Variants in SEPTIN9 observed in about 807,000 individuals in gnomAD.
SEPTIN9 encodes septin 9, also known as septin-9.
SEPTIN9 carries 13 observed loss-of-function variants against 56.6 expected under a neutral mutation model. The ratio of observed to expected loss-of-function variants is 0.23; its 90% CI spans 0.15 to 0.37. The LOEUF (loss-of-function observed/expected upper bound fraction) is 0.37. Among genes scored for constraint, SEPTIN9 ranks in the 10% least tolerant of loss-of-function variants. SEPTIN9 has a pLI of 1.00. For missense variants in SEPTIN9, 650 were observed against 823.1 expected, an observed-to-expected ratio of 0.79 and a Z score of 2.57; for synonymous variants, 332 against 334.1, an observed-to-expected ratio of 0.99 and a Z score of 0.07.
intron 3 of SEPTIN9, among the ~76,000 whole-genome samples, chr17:77,469,885 A>G (rs974657052): frequency 1.4e-5 from 2 of 141,114 alleles, no homozygotes; most frequent in Admixed American, 1.4e-4. Context: ...ACCTATCTAC[A>G]GTCATTCACT....
intron 3 of SEPTIN9, among the ~76,000 whole-genome samples, chr17:77,416,283 G>A (rs2036505414): frequency 6.6e-6 from 1 of 152,206 alleles, no homozygotes; most frequent in Non-Finnish European, 1.5e-5. Context: ...TACCTGAGAG[G>A]TGGGGCCAGG....
At position 77,449,641 on chromosome 17, in the gene SEPTIN9, T is replaced by A. The variant is rs1356419612; in HGVS notation, c.722-32503T>A. On this transcript the variant is annotated intron_variant, in intron 3 of 11. Coordinates refer to ENST00000427177, the MANE Select transcript of SEPTIN9 (RefSeq NM_001113491.2). This position sits in a 1 kb window ranked among gnomAD's most constrained non-coding sequence, Gnocchi z 4.6. ...GAGGCTTTCTGTTGACCCTGACACC[T>A]GGCCAGAAAGGAGTTCCTTCTGGCA... Among the ~76,000 whole-genome samples, 6 of 152,202 alleles carry A rather than the reference T, an allele frequency of 3.9e-5. No homozygotes were observed. The East Asian group carries it at 1.2e-3, about 29-fold the overall frequency.
intron 11 of SEPTIN9, chr17:77,497,634 C>A: frequency 1.8e-6 from 1 of 557,722 alleles, no homozygotes; most frequent in Non-Finnish European, 3.2e-6. Context: ...TGGTCTGGCC[C>A]GTTAGAGCTG....
intron 5 of SEPTIN9, 37 bp from the exon 6 acceptor site, chr17:77,488,203 G>C (rs148393522): frequency 1.9e-6 from 3 of 1,602,608 alleles, no homozygotes; most frequent in African/African-American, 2.7e-5. Flanking sequence ...AGGGTCTTCC[G>C]TCTCCCCTCT....
chr17:77,339,887 G>A (rs1568001977), intron 2 of SEPTIN9, among the ~76,000 whole-genome samples: 1 of 150,522 alleles, frequency 6.6e-6, no homozygotes, highest in South Asian at 2.1e-4. Flanking sequence ...GTGCAGCAGC[G>A]CTATCTCAGC....
At position 77,434,971 on chromosome 17, in the gene SEPTIN9, C is replaced by T. The variant is rs535567496; in HGVS notation, c.721+32268C>T. 2.2e-4 allele frequency among the ~76,000 whole-genome samples: 34 copies of T among 152,222 alleles called. 1 individual carries two copies. In the South Asian group the frequency reaches 3.5e-3, roughly 16 times the overall value. On this transcript the variant is annotated intron_variant, in intron 3 of 11. Coordinates refer to ENST00000427177, the MANE Select transcript of SEPTIN9 (RefSeq NM_001113491.2). The surrounding 1 kb of genome is among the most constrained non-coding windows in gnomAD (Gnocchi z 5.0). ...TCAGGCTGCCGGTGCTGGACGGGGC[C>T]CTGGCAACCGTGGCAGGAGTGGTGA...
chr17:77,402,826 G>C lies in SEPTIN9; in HGVS notation c.721+123G>C. 5.0e-6 allele frequency: 5 copies of C among 997,342 alleles called. No homozygotes were observed. Among genetic ancestry groups the C allele is most frequent in the Non-Finnish European group, 7.2e-6 (5 of 698,800 alleles). 61.8% of individuals were successfully genotyped at this position (997,342 alleles called of 1,614,324 possible). A position where few individuals can be genotyped will look rare whatever the true frequency, so the allele number is the denominator to read the frequency against. On this transcript the variant is annotated intron_variant, in intron 3 of 11. Coordinates refer to ENST00000427177, the MANE Select transcript of SEPTIN9 (RefSeq NM_001113491.2). This position sits in a 1 kb window ranked among gnomAD's most constrained non-coding sequence, Gnocchi z 6.6. The stretch of plus-strand genomic sequence containing the variant: ...TGGAGGGTGCTACCCTGGAGACCCA[G>C]AAAGACCGGAATGCATGGGGGTGGG...
chr17:77,381,036 C>G (rs551008153), intron 2 of SEPTIN9, among the ~76,000 whole-genome samples: 1 of 152,330 alleles, frequency 6.6e-6, no homozygotes, highest in South Asian at 2.1e-4. Flanking sequence ...CAACCCATAG[C>G]CAGTGGCATG....
chr17:77,285,105 C>A (rs996856461), intron 1 of SEPTIN9, among the ~76,000 whole-genome samples: 42 of 152,304 alleles, frequency 2.8e-4, no homozygotes, highest in African/African-American at 9.9e-4. Flanking sequence ...GTTCCAGAAG[C>A]CTCCATGATC....
intron 2 of SEPTIN9, among the ~76,000 whole-genome samples, chr17:77,384,330 C>T (rs1326984721): frequency 5.9e-5 from 9 of 151,862 alleles, no homozygotes; most frequent in South Asian, 2.1e-4. Flanking sequence ...GCCCAGCACA[C>T]GGCGACTTCT....
intron 2 of SEPTIN9, chr17:77,373,865 A>C: frequency 2.9e-6 from 1 of 346,260 alleles, no homozygotes; most frequent in South Asian, 8.0e-5. Flanking sequence ...AGCGACAGCG[A>C]CCTCCTCGAG....
At chr17:77,412,673 C>T (rs1440993651) in intron 3 of SEPTIN9, among the ~76,000 whole-genome samples, 2 of 152,026 alleles carry the variant, frequency 1.3e-5, no homozygotes, top group African/African-American at 4.8e-5. Flanking sequence ...CTGCTGTGAG[C>T]TGTGGTCATA....
chr17:77,324,351 T>A (rs913191868), intron 2 of SEPTIN9, among the ~76,000 whole-genome samples: 1 of 152,258 alleles, frequency 6.6e-6, no homozygotes, highest in African/African-American at 2.4e-5. Context: ...TGTGTCTGGA[T>A]GCACAGCATG....
At position 77,436,247 on chromosome 17, in the gene SEPTIN9, C is replaced by T. The variant is rs781646370; in HGVS notation, c.721+33544C>T. ...AGGGAAAGGGCAGGAACAGAGAGGC[C>T]TTATCTTCAGAGGAAGGGGTGGGCG... is the stretch of plus-strand genomic sequence containing the variant. On this transcript the variant is annotated intron_variant, in intron 3 of 11. Coordinates refer to ENST00000427177, the MANE Select transcript of SEPTIN9 (RefSeq NM_001113491.2). This position sits in a 1 kb window ranked among gnomAD's most constrained non-coding sequence, Gnocchi z 4.4. Among the ~76,000 whole-genome samples, 1 of 152,156 alleles carries T rather than the reference C, an allele frequency of 6.6e-6. No homozygotes were observed. Among genetic ancestry groups the T allele is most frequent in the Non-Finnish European group, 1.5e-5 (1 of 68,024 alleles).
chr17:77,390,716 G>T (rs2035511901), intron 2 of SEPTIN9, among the ~76,000 whole-genome samples: 1 of 152,134 alleles, frequency 6.6e-6, no homozygotes, highest in African/African-American at 2.4e-5. Flanking sequence ...CTCCCAAAGT[G>T]CTGGGATTAC....
At chr17:77,458,630 G>A (rs796655733) in intron 3 of SEPTIN9, among the ~76,000 whole-genome samples, 25 of 152,318 alleles carry the variant, frequency 1.6e-4, no homozygotes, top group African/African-American at 5.5e-4. Flanking sequence ...GGCTCAGCAC[G>A]GAACCTGGAC....
intron 2 of SEPTIN9, among the ~76,000 whole-genome samples, chr17:77,347,466 G>T (rs941348367): frequency 1.2e-4 from 18 of 150,998 alleles, no homozygotes; most frequent in Non-Finnish European, 4.4e-5. Flanking sequence ...CATGTATTTT[G>T]AAGCTCCTTT....
At chr17:77,362,451 C>T (rs111313091) in intron 2 of SEPTIN9, among the ~76,000 whole-genome samples, 94 of 152,348 alleles carry the variant, frequency 6.2e-4, no homozygotes, top group African/African-American at 1.9e-3. Context: ...GGTCTGCTGC[C>T]GGTCTCTTCC....
intron 3 of SEPTIN9, chr17:77,472,511 T>G (rs1222459274): frequency 6.6e-6 from 1 of 152,238 alleles, no homozygotes; most frequent in African/African-American, 2.4e-5. Context: ...AGGGTTCTTG[T>G]TGGCTCTTCC....
Sources: allele counts gnomAD v4.1 joint callset (sites outside exome capture counted in the v4.1 genomes callset), GRCh38; gene constraint gnomAD v4.1.1; non-coding constraint Gnocchi (gnomAD v3.1); transcripts MANE v1.5; gene names NCBI Gene and HGNC (gene_info 2026-07-23, HGNC 2026-07-21).